The following COL5A2 variants were observed in gnomAD, a reference collection of about 807,000 sequenced individuals.
COL5A2 encodes collagen alpha-2(V) chain.
COL5A2 carries 23 observed loss-of-function variants against 208.2 expected under a neutral mutation model. That is an observed-to-expected ratio of 0.11 (90% CI 0.08 to 0.16). The LOEUF (loss-of-function observed/expected upper bound fraction) is 0.16. Ranked by LOEUF, COL5A2 falls within the 10% of genes least tolerant of loss-of-function variation. The probability of loss-of-function intolerance (pLI) is 1.00; values close to 1 mark genes in which losing one functional copy is unlikely to be tolerated. For missense variants in COL5A2, 1,590 were observed against 1,956.4 expected (o/e 0.81, Z 3.53); for synonymous variants, 625 against 628.5 (o/e 0.99, Z 0.08).
chr2:189,373,804 A>C, the COL5A2 span, among the ~76,000 whole-genome samples: 1 of 152,224 alleles, frequency 6.6e-6, no homozygotes, highest in Non-Finnish European at 1.5e-5. Flanking sequence ...GAGATAAAGA[A>C]TGAGGAAAAG....
intron 33 of COL5A2, 81 bp from the exon 34 acceptor site, chr2:189,057,508 T>C (rs1204905044): frequency 7.0e-6 from 7 of 1,004,040 alleles, no homozygotes; most frequent in South Asian, 1.3e-5. Flanking sequence ...GGGTCAAAAG[T>C]AGTTGTCAGC....
the COL5A2 span, among the ~76,000 whole-genome samples, chr2:189,397,590 C>A: frequency 6.8e-6 from 1 of 146,930 alleles, no homozygotes; most frequent in African/African-American, 2.5e-5. Flanking sequence ...TCTATATTTT[C>A]AAATTTATTA....
chr2:189,133,112 G>A (rs62182417), intron 1 of COL5A2: 104,840 of 135,802 alleles, frequency 0.77, 43,683 homozygotes, highest in South Asian at 0.91. Flanking sequence ...GCCCAAGTAC[G>A]ACTTTTTTTT....
chr2:189,184,349 T>C (rs1235609402), upstream of COL5A2, among the ~76,000 whole-genome samples: 1 of 151,982 alleles, frequency 6.6e-6, no homozygotes, highest in African/African-American at 2.4e-5. Context: ...TGGCCTGGAC[T>C]GGTGTATGTG....
chr2:189,302,113 C>A, the COL5A2 span, among the ~76,000 whole-genome samples: 1 of 152,110 alleles, frequency 6.6e-6, no homozygotes, highest in African/African-American at 2.4e-5. Flanking sequence ...TACTGAAAAT[C>A]TACTCTAATT....
At chr2:189,408,680 A>G in the COL5A2 span, among the ~76,000 whole-genome samples, 1 of 152,190 alleles carries the variant, frequency 6.6e-6, no homozygotes, top group Admixed American at 6.5e-5. Context: ...CACTGGCTAA[A>G]AGTCATACAG....
At chr2:189,321,323 C>T in the COL5A2 span, among the ~76,000 whole-genome samples, 2 of 152,166 alleles carry the variant, frequency 1.3e-5, no homozygotes, top group Admixed American at 1.3e-4. Context: ...ACAATATTAA[C>T]TGTAAATGTA....
chr2:189,314,612 G>A, the COL5A2 span, among the ~76,000 whole-genome samples: 4 of 152,058 alleles, frequency 2.6e-5, no homozygotes, highest in South Asian at 4.1e-4. Context: ...AGACTGAGAC[G>A]CAAGAAACCA....
chr2:189,398,184 T>C, the COL5A2 span, among the ~76,000 whole-genome samples: 1 of 152,296 alleles, frequency 6.6e-6, no homozygotes, highest in East Asian at 1.9e-4. Flanking sequence ...GTTCATCTGC[T>C]TTTCTATCTG....
the COL5A2 span, among the ~76,000 whole-genome samples, chr2:189,429,580 A>C: frequency 6.6e-6 from 1 of 152,310 alleles, no homozygotes; most frequent in African/African-American, 2.4e-5. Context: ...GTCCCACAAG[A>C]CACTATATCT....
intron 7 of COL5A2, among the ~76,000 whole-genome samples, chr2:189,090,322 G>A (rs553952175): frequency 7.2e-5 from 11 of 152,298 alleles, no homozygotes; most frequent in Middle Eastern, 3.4e-3. Context: ...AAGCAAGGAA[G>A]TGGCAGAAGA....
chr2:189,065,487 C>A (rs1686127996), intron 23 of COL5A2, among the ~76,000 whole-genome samples: 1 of 151,814 alleles, frequency 6.6e-6, no homozygotes, highest in Admixed American at 6.6e-5. Context: ...CAAGATGGTG[C>A]CACTGCACTC....
At chr2:189,333,180 A>G in the COL5A2 span, among the ~76,000 whole-genome samples, 1 of 152,198 alleles carries the variant, frequency 6.6e-6, no homozygotes, top group Admixed American at 6.5e-5. Context: ...AGAACCAAAG[A>G]AAGTAGGAAA....
the COL5A2 span, among the ~76,000 whole-genome samples, chr2:189,286,814 T>A: frequency 6.6e-6 from 1 of 152,204 alleles, no homozygotes; most frequent in Non-Finnish European, 1.5e-5. Flanking sequence ...TCTTAGAATG[T>A]CTATTTTTAA....
At chr2:189,407,562 CTCTT>C in the COL5A2 span, among the ~76,000 whole-genome samples, 3 of 152,168 alleles carry the variant, frequency 2.0e-5, no homozygotes, top group South Asian at 6.2e-4. Flanking sequence ...AAAGATAAGA[CTCTT>C]TCTGCCTTTG....
chr2:189,330,148 T>C, the COL5A2 span, among the ~76,000 whole-genome samples: 1 of 152,140 alleles, frequency 6.6e-6, no homozygotes, highest in Non-Finnish European at 1.5e-5. Flanking sequence ...ATCATGTCAA[T>C]AGTGTAGCAA....
the COL5A2 span, among the ~76,000 whole-genome samples, chr2:189,319,523 G>A: frequency 1.4e-4 from 22 of 152,236 alleles, no homozygotes; most frequent in Admixed American, 8.5e-4. Flanking sequence ...ATTATATCCC[G>A]TGCCTGGCTC....
the COL5A2 span, among the ~76,000 whole-genome samples, chr2:189,347,775 T>C: frequency 1.1e-4 from 17 of 152,214 alleles, no homozygotes; most frequent in African/African-American, 3.9e-4. Flanking sequence ...GAAGATTTTC[T>C]AAGGTGAACA....
chr2:189,400,092 TTTG>T, the COL5A2 span, among the ~76,000 whole-genome samples: 1 of 152,156 alleles, frequency 6.6e-6, no homozygotes, highest in Non-Finnish European at 1.5e-5. Context: ...GTTTTTCTTT[TTTG>T]TTTGTTGATT....
Sources: allele counts gnomAD v4.1 joint callset (sites outside exome capture counted in the v4.1 genomes callset), GRCh38; gene constraint gnomAD v4.1.1; transcripts MANE v1.5; gene names NCBI Gene and HGNC (gene_info 2026-07-23, HGNC 2026-07-21).